The following WIPF2 variants were observed in gnomAD, a reference collection of about 807,000 sequenced individuals.
The protein encoded by WIPF2 is WAS/WASL-interacting protein family member 2.
In WIPF2, 23 loss-of-function variants were observed where a neutral mutation model predicts 38.8. That is an observed-to-expected ratio of 0.59 (90% confidence interval 0.43 to 0.84). The LOEUF (loss-of-function observed/expected upper bound fraction) is 0.84, where lower values mean the gene tolerates loss of function less well. Ranked by LOEUF, WIPF2 falls within the 40% of genes least tolerant of loss-of-function variation. The probability of loss-of-function intolerance (pLI) is 0.00; values close to 1 mark genes in which losing one functional copy is unlikely to be tolerated. For missense variants in WIPF2, 574 were observed against 580.5 expected (o/e 0.99, Z 0.11); for synonymous variants, 210 against 223.2 (o/e 0.94, Z 0.53).
chr17:40,238,811 C>T (rs2031077620), intron 1 of WIPF2, among the ~76,000 whole-genome samples: 1 of 151,790 alleles, frequency 6.6e-6, no homozygotes, highest in African/African-American at 2.4e-5. Flanking sequence ...TGGGGTTTCA[C>T]CACCTTGGTC....
At chr17:40,229,935 A>G (rs2030670008) in intron 1 of WIPF2, among the ~76,000 whole-genome samples, 1 of 152,168 alleles carries the variant, frequency 6.6e-6, no homozygotes, top group South Asian at 2.1e-4. Flanking sequence ...GAGGAGGGAA[A>G]GAATGTTTGT....
chr17:40,248,163 CTTTTTTTTTTTTT>C (rs60359132), intron 1 of WIPF2, among the ~76,000 whole-genome samples: 3 of 47,620 alleles, frequency 6.3e-5, no homozygotes, highest in Non-Finnish European at 8.4e-5. Context: ...AAAGTTATTT[CTTTTTTTTTTTTT>C]TTTTTTTTTT....
intron 3 of WIPF2, among the ~76,000 whole-genome samples, chr17:40,262,278 C>T (rs1384241202): frequency 6.6e-6 from 1 of 151,802 alleles, no homozygotes; most frequent in Non-Finnish European, 1.5e-5. Context: ...GAGTCAGGTC[C>T]TACTATATTG....
chr17:40,230,216 G>A (rs1452330289), intron 1 of WIPF2, among the ~76,000 whole-genome samples: 1 of 152,140 alleles, frequency 6.6e-6, no homozygotes, highest in Non-Finnish European at 1.5e-5. Flanking sequence ...ATGAGCACCC[G>A]TGGTTCTAGC....
intron 1 of WIPF2, chr17:40,220,629 A>T (rs867764195): frequency 1.2e-4 from 15 of 126,926 alleles, no homozygotes; most frequent in African/African-American, 3.1e-4. Context: ...GTATATATAT[A>T]TATTTTTTTG....
Position 40,220,583 on chromosome 17 carries a change from A to ATATG in WIPF2, c.-70+1094_-70+1095insGTAT, listed in dbSNP as rs1385856053. 50 of 60,282 alleles carry ATATG rather than the reference A, an allele frequency of 8.3e-4. 1 individual carries two copies. Among genetic ancestry groups the ATATG allele is most frequent in the Non-Finnish European group, 1.3e-3 (44 of 32,712 alleles). 3.7% of individuals were successfully genotyped at this position (60,282 alleles called of 1,614,324 possible). ...CTAACGTGTGTGTGTGTATATATAT[A>ATATG]TATATATATATATATATATATATAT... is the stretch of plus-strand genomic sequence containing the variant. On this transcript the variant is annotated intron_variant, in intron 1 of 7. Transcript: ENST00000323571.
rs752876006 is a variant in WIPF2, at chr17:40,232,179, A to ATTTTT, written c.-70+12711_-70+12715dup. 2.2e-3 allele frequency among the ~76,000 whole-genome samples: 169 copies of ATTTTT among 76,050 alleles called. 7 individuals are homozygous for ATTTTT. The highest frequency in any genetic ancestry group is 6.4e-3 in the African/African-American group (93 of 14,504). 49.9% of individuals were successfully genotyped at this position (76,050 alleles called of 152,430 possible). A position where few individuals can be genotyped will look rare whatever the true frequency, so the allele number is the denominator to read the frequency against. ...AGGCACATGCCACCATGCCTGGCTA[A>ATTTTT]TTTTTTTTTTTTTTTTTTTTTTTTT... On this transcript the variant is annotated intron_variant, in intron 1 of 7. Transcript: ENST00000323571.
Position 40,239,232 on chromosome 17 carries a change from C to T in WIPF2, c.-69-17159C>T, listed in dbSNP as rs544452700. The stretch of plus-strand genomic sequence containing the variant: ...GACCACAGGCGCCCGCCACCACGCC[C>T]GGCTAATTTTTTGTATTTTTAGTAG... On this transcript the variant is annotated intron_variant, in intron 1 of 7. Coordinates refer to ENST00000323571, the MANE Select transcript of WIPF2 (RefSeq NM_133264.5). Among the ~76,000 whole-genome samples the T allele has an allele frequency of 2.0e-4, 30 of 151,768 alleles. No homozygotes were observed. The South Asian group carries it at 3.1e-3, about 16-fold the overall frequency.
chr17:40,274,667 C>T (rs548514545), intron 6 of WIPF2, among the ~76,000 whole-genome samples: 1 of 145,456 alleles, frequency 6.9e-6, no homozygotes, highest in African/African-American at 2.5e-5. Flanking sequence ...AAGGATTGGG[C>T]GTGGTGGCTC....
intron 1 of WIPF2, among the ~76,000 whole-genome samples, chr17:40,236,742 G>C (rs922104180): frequency 6.6e-6 from 1 of 151,542 alleles, no homozygotes; most frequent in Non-Finnish European, 1.5e-5. Flanking sequence ...CTGAGTAGCT[G>C]AGATTACAGG....
intron 1 of WIPF2, among the ~76,000 whole-genome samples, chr17:40,237,413 G>T (rs1371104853): frequency 1.3e-5 from 2 of 151,364 alleles, no homozygotes; most frequent in Non-Finnish European, 2.9e-5. Context: ...CCTGATTTTT[G>T]TATTTTTAGT....
At chr17:40,262,395 TAGAA>T in intron 3 of WIPF2, 126 bp from the exon 4 acceptor site, 1 of 684,450 alleles carries the variant, frequency 1.5e-6, no homozygotes, top group Non-Finnish European at 2.5e-6. Context: ...CTTTTTTAAA[TAGAA>T]GGGCAAAAAC....
chr17:40,253,940 A>AAAACC (rs758374674), intron 1 of WIPF2, among the ~76,000 whole-genome samples: 8 of 152,144 alleles, frequency 5.3e-5, no homozygotes, highest in Non-Finnish European at 1.2e-4. Context: ...AAATTACTGC[A>AAAACC]TTATTGACAG....
rs1388664874 is a variant in WIPF2 at position 40,280,578 on chromosome 17, A to G, written c.*2353A>G. On this transcript the variant is annotated 3_prime_UTR_variant, in exon 8 of 8. Transcript: ENST00000323571. ...GTTCCAGGGCAGATACTGACAAGTG[A>G]CTGAACTTTGACTGTGAAGTCTTCC... 6.6e-6 allele frequency: 1 copy of G among 152,666 alleles called. No homozygotes were observed. The highest frequency in any genetic ancestry group is 2.4e-5 in the African/African-American group (1 of 41,458). 9.5% of individuals were successfully genotyped at this position (152,666 alleles called of 1,614,324 possible).
chr17:40,247,275 T>C (rs1381039800), intron 1 of WIPF2, among the ~76,000 whole-genome samples: 2 of 134,442 alleles, frequency 1.5e-5, no homozygotes, highest in African/African-American at 5.6e-5. Flanking sequence ...TAGAGTGCAG[T>C]GGCACAATCT....
intron 2 of WIPF2, among the ~76,000 whole-genome samples, chr17:40,259,751 A>G (rs551614057): frequency 6.6e-6 from 1 of 152,272 alleles, no homozygotes; most frequent in African/African-American, 2.4e-5. Flanking sequence ...TTAGATAGCT[A>G]TTCAGCTTCT....
intron 1 of WIPF2, among the ~76,000 whole-genome samples, chr17:40,236,167 C>T (rs1035060242): frequency 4.6e-5 from 7 of 151,760 alleles, no homozygotes; most frequent in South Asian, 2.1e-4. Context: ...TTTCATTCAC[C>T]GTGTTGGCCA....
At chr17:40,250,332 G>A (rs1190205367) in intron 1 of WIPF2, among the ~76,000 whole-genome samples, 3 of 140,908 alleles carry the variant, frequency 2.1e-5, no homozygotes, top group African/African-American at 5.3e-5. Context: ...CCGGGTTCAC[G>A]CCATTCTTCT....
In WIPF2 at chr17:40,260,387, A is replaced by G. The variant is rs551675140; in HGVS notation, c.64-148A>G. ...TTTTTAGTAGAGATGGGGTTTCACC[A>G]TGTTGGCCAGGATGGTCTGGAACTC... On this transcript the variant is annotated intron_variant, in intron 2 of 7. Transcript: ENST00000323571. The G allele has an allele frequency of 4.0e-5, 34 of 839,782 alleles. No individual in the cohort carries two copies. In the African/African-American group the frequency reaches 4.6e-4, roughly 11 times the overall value. 52.0% of individuals were successfully genotyped at this position (839,782 alleles called of 1,614,324 possible).
Sources: allele counts gnomAD v4.1 joint callset (sites outside exome capture counted in the v4.1 genomes callset), GRCh38; gene constraint gnomAD v4.1.1; transcripts MANE v1.5; gene names NCBI Gene and HGNC (gene_info 2026-07-23, HGNC 2026-07-21).